Variants in GPR149 observed in about 807,000 individuals in gnomAD.
The protein encoded by GPR149 is probable G protein-coupled receptor 149.
GPR149 carries 50 observed loss-of-function variants against 50.2 expected under a neutral mutation model. That is an observed-to-expected ratio of 1.00 (90% confidence interval 0.79 to 1.26). The LOEUF (loss-of-function observed/expected upper bound fraction) is 1.26, where lower values mean the gene tolerates loss of function less well. GPR149 is among the 50% of genes most tolerant of loss of function. The pLI, the probability that GPR149 is intolerant of heterozygous loss-of-function variation, is 0.00. For missense variants in GPR149, 983 were observed against 895.4 expected (o/e 1.10, Z -1.25); for synonymous variants, 405 against 358.2 (o/e 1.13, Z -1.48).
At chr3:154,350,177 C>T (rs1189058722) in intron 3 of GPR149, among the ~76,000 whole-genome samples, 1 of 151,930 alleles carries the variant, frequency 6.6e-6, no homozygotes, top group Non-Finnish European at 1.5e-5. Context: ...GCCTCAGTGA[C>T]AGAGTGAAAC....
intron 3 of GPR149, among the ~76,000 whole-genome samples, chr3:154,383,701 C>T (rs895146095): frequency 1.3e-5 from 2 of 151,986 alleles, no homozygotes; most frequent in African/African-American, 4.8e-5. Context: ...TGAGGAGATG[C>T]TATGGTCTGG....
At position 154,405,519 on chromosome 3, in the gene GPR149, CA is replaced by C. The variant is rs1285067649; in HGVS notation, c.1623+15519del. Among the ~76,000 whole-genome samples, 2 of 139,250 alleles carry C rather than the reference CA, an allele frequency of 1.4e-5. 1 individual carries two copies. Among genetic ancestry groups the C allele is most frequent in the Admixed American group, 1.6e-4 (2 of 12,396 alleles). The allele number at this position is 139,250 out of a possible 152,430, so 91.4% of individuals were successfully genotyped here. A position where few individuals can be genotyped will look rare whatever the true frequency, so the allele number is the denominator to read the frequency against. On this transcript the variant is annotated intron_variant, in intron 3 of 3. Coordinates refer to ENST00000389740, the MANE Select transcript of GPR149 (RefSeq NM_001038705.3). ...AGGAAAATCACTTGAACCTGGGAAG[CA>C]GAGGCTGCAGTGAGCTGAGACTGCA...
intron 3 of GPR149, among the ~76,000 whole-genome samples, chr3:154,367,255 C>A (rs1190738755): frequency 6.6e-6 from 1 of 152,072 alleles, no homozygotes; most frequent in Non-Finnish European, 1.5e-5. Context: ...GAATTTGTGC[C>A]TCTGTTTTCT....
chr3:154,429,681 G>T lies in GPR149; in HGVS notation c.-66C>A. 7.2e-7 allele frequency: 1 copy of T among 1,395,388 alleles called. No individual in the cohort carries two copies. 86.4% of individuals were successfully genotyped at this position (1,395,388 alleles called of 1,614,324 possible). A position where few individuals can be genotyped will look rare whatever the true frequency, so the allele number is the denominator to read the frequency against. On this transcript the variant is annotated 5_prime_UTR_variant, in exon 1 of 4. Transcript: ENST00000389740. ...GATAATTTTCTCAAAAGAAAGACCGGCTGCTGCAAATCAGATTTCATTCCT... is the reference window on the plus strand; with the variant it reads ...GATAATTTTCTCAAAAGAAAGACCGTCTGCTGCAAATCAGATTTCATTCCT...
In GPR149 at chr3:154,429,142, C is replaced by G. The variant is rs370595639; in HGVS notation, c.474G>C (p.Trp158Cys). The G allele has an allele frequency of 1.3e-4, 209 of 1,613,586 alleles. No individual in the cohort carries two copies. In the Admixed American group the frequency reaches 3.5e-3, roughly 27 times the overall value. Residue 158 changes from tryptophan to cysteine, a missense_variant, in exon 1 of 4, where the codon TGG (tryptophan) becomes TGC (cysteine). Physicochemically the swap from Trp to Cys is radical, Grantham distance 215. Transcript: ENST00000389740. Reference protein sequence around the residue: ...GQVLGVVLTVWAASLLLSALP... With the variant: ...GQVLGVVLTVCAASLLLSALP... The stretch of plus-strand genomic sequence containing the variant: ...GCGCCGAGAGCAGCAGACTGGCTGC[C>G]CACACGGTCAGCACCACGCCGAGCA...
chr3:154,387,905 T>TA (rs1299168000), intron 3 of GPR149, among the ~76,000 whole-genome samples: 1 of 151,998 alleles, frequency 6.6e-6, no homozygotes, highest in African/African-American at 2.4e-5. Context: ...GGCATGACCT[T>TA]AAAAAAACTG....
chr3:154,392,876 A>C (rs1303150141), intron 3 of GPR149, among the ~76,000 whole-genome samples: 2 of 152,026 alleles, frequency 1.3e-5, no homozygotes, highest in East Asian at 1.9e-4. Context: ...ACCAAGGTTG[A>C]GTCATGAAGA....
chr3:154,419,520 T>C (rs561691731), intron 3 of GPR149, among the ~76,000 whole-genome samples: 1 of 152,184 alleles, frequency 6.6e-6, no homozygotes, highest in African/African-American at 2.4e-5. Flanking sequence ...TGATACCATC[T>C]TTAGAAGGCT....
intron 3 of GPR149, among the ~76,000 whole-genome samples, chr3:154,362,705 G>A (rs922020717): frequency 3.1e-4 from 47 of 152,110 alleles, no homozygotes; most frequent in Admixed American, 2.2e-3. Context: ...GACAATGTGT[G>A]TCTGAATCTC....
chr3:154,352,912 G>C, intron 3 of GPR149: 1 of 873,078 alleles, frequency 1.1e-6, no homozygotes, highest in Non-Finnish European at 2.0e-6. Context: ...CATCCAGAGC[G>C]ATGGATACGG....
chr3:154,378,846 T>C (rs529677341), intron 3 of GPR149, among the ~76,000 whole-genome samples: 1 of 152,348 alleles, frequency 6.6e-6, no homozygotes, highest in African/African-American at 2.4e-5. Context: ...TAGCCACTTA[T>C]ATCTTTGATC....
intron 2 of GPR149, among the ~76,000 whole-genome samples, chr3:154,422,526 G>C (rs901117155): frequency 6.6e-6 from 1 of 151,618 alleles, no homozygotes; most frequent in Non-Finnish European, 1.5e-5. Flanking sequence ...TGTATGAAAA[G>C]CTATAATCTT....
intron 3 of GPR149, among the ~76,000 whole-genome samples, chr3:154,404,768 A>G (rs961972393): frequency 4.6e-5 from 7 of 152,204 alleles, no homozygotes; most frequent in African/African-American, 1.7e-4. Flanking sequence ...CAAACCACAC[A>G]GAGTTTTTGT....
At chr3:154,416,299 A>G (rs1253216000) in intron 3 of GPR149, among the ~76,000 whole-genome samples, 2 of 151,990 alleles carry the variant, frequency 1.3e-5, no homozygotes, top group East Asian at 3.9e-4. Context: ...TAATGTGCAT[A>G]TTAGCCCACT....
chr3:154,412,403 C>T (rs1711862083), intron 3 of GPR149, among the ~76,000 whole-genome samples: 1 of 151,896 alleles, frequency 6.6e-6, no homozygotes, highest in Admixed American at 6.6e-5. Context: ...CAAACTGTTG[C>T]TGTTTGCGAT....
At chr3:154,378,098 T>A (rs1424774266) in intron 3 of GPR149, among the ~76,000 whole-genome samples, 2 of 146,988 alleles carry the variant, frequency 1.4e-5, no homozygotes, top group Non-Finnish European at 3.0e-5. Flanking sequence ...CTTTTTTTTT[T>A]TTTGAGATGG....
intron 3 of GPR149, among the ~76,000 whole-genome samples, chr3:154,412,559 A>G (rs1210459019): frequency 6.6e-6 from 1 of 152,066 alleles, no homozygotes; most frequent in African/African-American, 2.4e-5. Context: ...CAAACCTAGA[A>G]CTCAACCCCT....
chr3:154,408,362 T>C (rs1431887690), intron 3 of GPR149, among the ~76,000 whole-genome samples: 3 of 152,130 alleles, frequency 2.0e-5, no homozygotes, highest in African/African-American at 7.2e-5. Context: ...CACTGCAGGC[T>C]CCCTGAGACC....
intron 3 of GPR149, chr3:154,353,000 G>C (rs1260584898): frequency 1.1e-5 from 13 of 1,216,766 alleles, no homozygotes; most frequent in Non-Finnish European, 1.6e-5. Context: ...CAGCCACATT[G>C]GTTGCCACCA....
Sources: gnomAD v4.1 joint callset for allele counts (sites outside exome capture counted in the v4.1 genomes callset) on GRCh38, gnomAD v4.1.1 for gene constraint, MANE v1.5 for transcripts, NCBI Gene and HGNC (gene_info 2026-07-23, HGNC 2026-07-21) for gene names.